PRKCA: variants seen among roughly 807,000 people sequenced by gnomAD.
PRKCA encodes protein kinase C alpha.
In PRKCA, 27 loss-of-function variants were observed where a neutral mutation model predicts 87.0. That is an observed-to-expected ratio of 0.31 (90% confidence interval 0.23 to 0.43). PRKCA has a LOEUF of 0.43. PRKCA is among the 20% of genes least tolerant of loss of function. The probability of loss-of-function intolerance (pLI) is 1.00; values close to 1 mark genes in which losing one functional copy is unlikely to be tolerated. For missense variants in PRKCA, 518 were observed against 852.3 expected (o/e 0.61, Z 4.88); for synonymous variants, 329 against 311.1 (o/e 1.06, Z -0.61).
Position 66,351,537 on chromosome 17 carries a change from A to G in PRKCA, c.205+45410A>G, listed in dbSNP as rs143136934. 6.5e-3 allele frequency among the ~76,000 whole-genome samples: 996 copies of G among 152,318 alleles called. 2 individuals carry two copies. The highest frequency in any genetic ancestry group is 9.8e-3 in the Non-Finnish European group (668 of 68,026). The stretch of plus-strand genomic sequence containing the variant: ...ACCCTATATGTGGCTGTGTTTAGAA[A>G]GGGCTATTGGGAAACATAAAAAATA... On this transcript the variant is annotated intron_variant, in intron 2 of 16. Coordinates refer to ENST00000413366, the MANE Select transcript of PRKCA (RefSeq NM_002737.3).
At chr17:66,735,173 A>G (rs1973995351) in intron 9 of PRKCA, among the ~76,000 whole-genome samples, 1 of 152,172 alleles carries the variant, frequency 6.6e-6, no homozygotes, top group African/African-American at 2.4e-5. Flanking sequence ...CTCCTGAAAA[A>G]TGTGCATTAT....
intron 3 of PRKCA, among the ~76,000 whole-genome samples, chr17:66,607,034 A>AT (rs1970229421): frequency 6.6e-6 from 1 of 152,166 alleles, no homozygotes; most frequent in Non-Finnish European, 1.5e-5. Flanking sequence ...TTCATTTCTT[A>AT]TTTTGTAATG....
At chr17:66,645,275 A>T (rs1468922489) in intron 4 of PRKCA, 108 bp from the exon 5 acceptor site, 1 of 1,468,908 alleles carries the variant, frequency 6.8e-7, no homozygotes, top group East Asian at 2.3e-5. Context: ...ATAGCAAAGT[A>T]TCGAGTTGGG....
At chr17:66,717,539 C>G (rs1348770472) in intron 8 of PRKCA, among the ~76,000 whole-genome samples, 1 of 152,204 alleles carries the variant, frequency 6.6e-6, no homozygotes, top group African/African-American at 2.4e-5. Context: ...AGACTATCCC[C>G]AAGTTGCTTT....
rs61100084 is a variant in PRKCA at position 66,679,805 on chromosome 17, G to A, written c.530-7306G>A. Among the ~76,000 whole-genome samples, 939 of 152,308 alleles carry A rather than the reference G, an allele frequency of 6.2e-3. 12 individuals are homozygous for A. Among genetic ancestry groups the A allele is most frequent in the African/African-American group, 0.022 (908 of 41,552 alleles). ...AAGTCATTTCAATACATCAGCAAGCGAAAGTGGAGTTTTGTACAGTCAGAA... is the reference window on the plus strand; with the variant it reads ...AAGTCATTTCAATACATCAGCAAGCAAAAGTGGAGTTTTGTACAGTCAGAA... On this transcript the variant is annotated intron_variant, in intron 5 of 16. Coordinates refer to ENST00000413366, the MANE Select transcript of PRKCA (RefSeq NM_002737.3).
chr17:66,545,258 C>G (rs1455073451), intron 3 of PRKCA, among the ~76,000 whole-genome samples: 2 of 151,932 alleles, frequency 1.3e-5, no homozygotes, highest in Non-Finnish European at 2.9e-5. Context: ...GAAACCCCGC[C>G]TCTACTAAAA....
At chr17:66,629,619 C>T (rs1348385494) in intron 3 of PRKCA, among the ~76,000 whole-genome samples, 2 of 152,268 alleles carry the variant, frequency 1.3e-5, no homozygotes, top group Admixed American at 6.5e-5. Flanking sequence ...TCCTATTTTA[C>T]GTTCCTTTCC....
At chr17:66,447,739 C>T (rs1234686215) in intron 2 of PRKCA, among the ~76,000 whole-genome samples, 1 of 152,228 alleles carries the variant, frequency 6.6e-6, no homozygotes, top group Non-Finnish European at 1.5e-5. Flanking sequence ...CCCCCTGGCC[C>T]TTTGTGCTCC....
chr17:66,535,171 G>A (rs1479319777), intron 3 of PRKCA, among the ~76,000 whole-genome samples: 1 of 152,178 alleles, frequency 6.6e-6, no homozygotes, highest in African/African-American at 2.4e-5. Flanking sequence ...ATACTCAGCA[G>A]TAGGCAGGAC....
intron 3 of PRKCA, among the ~76,000 whole-genome samples, chr17:66,591,329 T>TA (rs1293046565): frequency 2.0e-5 from 3 of 151,622 alleles, no homozygotes; most frequent in Non-Finnish European, 4.4e-5. Context: ...ATTTTTTTTT[T>TA]TTTTATTTTA....
At chr17:66,669,730 G>A (rs943656329) in intron 5 of PRKCA, among the ~76,000 whole-genome samples, 32 of 152,012 alleles carry the variant, frequency 2.1e-4, no homozygotes, top group South Asian at 2.1e-4. Context: ...GTGAAACCCC[G>A]TCTCTACTAA....
intron 5 of PRKCA, among the ~76,000 whole-genome samples, chr17:66,669,102 T>TA (rs35465763): frequency 0.014 from 2,001 of 146,962 alleles, 15 homozygotes; most frequent in African/African-American, 0.028. Context: ...ACCCTCTCTT[T>TA]AAAAAAAAAA....
intron 8 of PRKCA, among the ~76,000 whole-genome samples, chr17:66,704,975 T>A (rs1460133605): frequency 6.6e-6 from 1 of 152,168 alleles, no homozygotes; most frequent in African/African-American, 2.4e-5. Flanking sequence ...AAAACACAGT[T>A]CACTAGAGAC....
intron 2 of PRKCA, among the ~76,000 whole-genome samples, chr17:66,374,386 C>G (rs1489582546): frequency 6.6e-6 from 1 of 152,152 alleles, no homozygotes; most frequent in African/African-American, 2.4e-5. Context: ...GGTTGAGGGC[C>G]CGCATATCTG....
intron 2 of PRKCA, among the ~76,000 whole-genome samples, chr17:66,476,432 A>G (rs1365961338): frequency 6.6e-6 from 1 of 152,092 alleles, no homozygotes; most frequent in Non-Finnish European, 1.5e-5. Context: ...TTGGGCTCAG[A>G]GGGAGGCCGT....
intron 3 of PRKCA, among the ~76,000 whole-genome samples, chr17:66,552,500 A>G (rs1046849943): frequency 1.3e-5 from 2 of 152,168 alleles, no homozygotes; most frequent in African/African-American, 4.8e-5. Context: ...ATCTGCTTCT[A>G]AGCCTGCTCA....
chr17:66,701,084 G>A (rs574367297), intron 8 of PRKCA, among the ~76,000 whole-genome samples: 2 of 152,164 alleles, frequency 1.3e-5, no homozygotes, highest in East Asian at 1.9e-4. Flanking sequence ...TATGGTACTG[G>A]CATACAAACT....
intron 11 of PRKCA, among the ~76,000 whole-genome samples, chr17:66,740,895 C>A (rs9906360): frequency 6.6e-6 from 1 of 152,164 alleles, no homozygotes; most frequent in Non-Finnish European, 1.5e-5. Context: ...CTCTTCTAGC[C>A]TTCAGAGGTG....
intron 3 of PRKCA, among the ~76,000 whole-genome samples, chr17:66,616,041 C>T (rs1456139774): frequency 6.6e-6 from 1 of 152,170 alleles, no homozygotes. Context: ...CAATGTTACT[C>T]GTCACTACTC....
Sources: gnomAD v4.1 joint callset for allele counts (sites outside exome capture counted in the v4.1 genomes callset) on GRCh38, gnomAD v4.1.1 for gene constraint, MANE v1.5 for transcripts, NCBI Gene and HGNC (gene_info 2026-07-23, HGNC 2026-07-21) for gene names.